The following KRT76 variants were observed in gnomAD, a reference collection of about 807,000 sequenced individuals.
KRT76 encodes the protein keratin 76, also known as keratin, type II cytoskeletal 2 oral.
A neutral mutation model predicts 44.9 loss-of-function variants in KRT76; 47 were observed. The observed-to-expected ratio is 1.05, with a 90% CI of 0.83 to 1.33. The LOEUF (loss-of-function observed/expected upper bound fraction) is 1.33, where lower values mean the gene tolerates loss of function less well. Ranked by LOEUF, KRT76 falls within the 40% of genes most tolerant of loss-of-function variation. The pLI is 0.00. For missense variants in KRT76, 860 were observed against 775.8 expected (o/e 1.11, Z -1.29); for synonymous variants, 331 against 294.1 (o/e 1.13, Z -1.28).
At chr12:52,772,459 G>A (rs1939201621) in intron 4 of KRT76, among the ~76,000 whole-genome samples, 1 of 152,208 alleles carries the variant, frequency 6.6e-6, no homozygotes, top group South Asian at 2.1e-4. Flanking sequence ...AATATAATTA[G>A]GCTATCAGCC....
intron 7 of KRT76, 109 bp from the exon 8 acceptor site, chr12:52,769,692 C>A: frequency 1.2e-6 from 1 of 839,498 alleles, no homozygotes; most frequent in Non-Finnish European, 2.0e-6. Flanking sequence ...CACTAGGGGT[C>A]AAGCTCCTGC....
In KRT76 at chr12:52,771,120, G is replaced by A. The variant is rs201253332; in HGVS notation, c.1363C>T (p.Gln455Ter). ...AKLQDLQTAL[Q>*]KAKDDLARLL... ...CGAGCCAGGTCATCCTTAGCCTTCT[G>A]TAGGGCAGTCTGCAAGTCTTGGAGC... The change falls in exon 7 of 9, where the codon CAG becomes TAG. Residue 455 changes from glutamine to a stop codon, truncating the protein, a stop_gained. Coordinates refer to ENST00000332411, the MANE Select transcript of KRT76 (RefSeq NM_015848.4). LOFTEE classifies it high-confidence loss of function. The A allele has an allele frequency of 7.2e-5, 117 of 1,614,196 alleles. No homozygotes were observed. In the East Asian group the frequency reaches 1.6e-3, roughly 22 times the overall value.
chr12:52,773,610 G>C lies in KRT76; in HGVS notation c.848C>G (p.Ala283Gly). Reference protein sequence around the residue: ...YEDEINKRTAAENEFVGLKKD... With the variant: ...YEDEINKRTAGENEFVGLKKD... ...CTTGAGCCCCACAAACTCATTCTCT[G>C]CGGCAGTGCGTTTGTTGATTTCATC... Residue 283 changes from alanine to glycine, a missense_variant, in exon 3 of 9, where the codon GCA becomes GGA. Physicochemically the swap from Ala to Gly is moderately conservative, Grantham distance 60. Transcript: ENST00000332411. 1 of 1,613,442 alleles carries C rather than the reference G, an allele frequency of 6.2e-7. No homozygotes were observed. The highest frequency in any genetic ancestry group is 1.1e-5 in the South Asian group (1 of 90,994).
In KRT76 at chr12:52,768,601, T is replaced by G. The variant is rs1939126379; in HGVS notation, c.*112A>C. On this transcript the variant is annotated 3_prime_UTR_variant, in exon 9 of 9. Coordinates refer to ENST00000332411, the MANE Select transcript of KRT76 (RefSeq NM_015848.4). ...AGTTCAGCTTCTTCTCCAGGGAACT[T>G]GAGGAAAAATGTGGTTGACCCTTAT... 7.9e-7 allele frequency: 1 copy of G among 1,260,552 alleles called. No individual in the cohort carries two copies. The highest frequency in any genetic ancestry group is 1.1e-6 in the Non-Finnish European group (1 of 912,814). 78.1% of individuals were successfully genotyped at this position (1,260,552 alleles called of 1,614,324 possible). A position where few individuals can be genotyped will look rare whatever the true frequency, so the allele number is the denominator to read the frequency against.
chr12:52,774,383 T>C (rs955869615), intron 2 of KRT76, among the ~76,000 whole-genome samples: 7 of 152,224 alleles, frequency 4.6e-5, no homozygotes, highest in Non-Finnish European at 1.0e-4. Context: ...TGTGCTCTCA[T>C]TGGGCATTTC....
rs768953368 is a variant in KRT76, at chr12:52,775,636, C to T, written c.601-34G>A. 1.6e-5 allele frequency: 26 copies of T among 1,585,866 alleles called. No homozygotes were observed. The African/African-American group carries it at 2.6e-4, about 16-fold the overall frequency. Reference sequence around the variant, plus strand: ...AAGAGGGGAGAAAAGGAGTCAGCCCCTTGAGTTGGGCATGTGGGGCTGCCC... The same window carrying T: ...AAGAGGGGAGAAAAGGAGTCAGCCCTTTGAGTTGGGCATGTGGGGCTGCCC... On this transcript the variant is annotated intron_variant, in intron 1 of 8. Transcript: ENST00000332411.
Position 52,772,272 on chromosome 12 carries a change from G to A in KRT76, c.973-14C>T. ...CTGGGACAGCTCCTGCAGGAAACAT[G>A]GATAGTTACTCTTACCATCGCCTGG... On this transcript the variant is annotated splice_polypyrimidine_tract_variant and intron_variant, in intron 4 of 8. Coordinates refer to ENST00000332411, the MANE Select transcript of KRT76 (RefSeq NM_015848.4). 3.2e-6 allele frequency: 5 copies of A among 1,583,478 alleles called. No homozygotes were observed. Among genetic ancestry groups the A allele is most frequent in the Non-Finnish European group, 4.3e-6 (5 of 1,164,420 alleles).
rs747106936 is a variant in KRT76 at position 52,777,233 on chromosome 12, C to T, written c.59G>A (p.Arg20His). 1.1e-5 allele frequency: 18 copies of T among 1,614,094 alleles called. No homozygotes were observed. The highest frequency in any genetic ancestry group is 6.7e-5 in the African/African-American group (5 of 74,948). ...FSGRSQGFSG[R>H]SAVVSGSSRM... ...GCTGCTGCCGGAGACCACAGCAGAG[C>T]GGCCAGAGAAACCCTGGCTCCTGCC... Residue 20 changes from arginine (R) to histidine (H), a missense_variant, in exon 1 of 9, where the codon CGC becomes CAC. Transcript: ENST00000332411.
At position 52,772,239 on chromosome 12, in the gene KRT76, C is replaced by A; in HGVS notation, c.992G>T (p.Ser331Ile). ...LYEMELSQMQSHASDTSVVLS... is the reference protein window; with the variant it reads ...LYEMELSQMQIHASDTSVVLS... ...AACCACAGACGTGTCACTGGCATGG[C>A]TTTGCATCTGGGACAGCTCCTGCAG... is the stretch of plus-strand genomic sequence containing the variant. Residue 331 changes from serine (S) to isoleucine (I), a missense_variant, in exon 5 of 9, where the codon AGC becomes ATC. Transcript: ENST00000332411. The A allele has an allele frequency of 6.2e-7, 1 of 1,604,234 alleles. No individual in the cohort carries two copies. The highest frequency in any genetic ancestry group is 8.5e-7 in the Non-Finnish European group (1 of 1,175,074).
At chr12:52,772,754 G>A (rs759961283) in intron 4 of KRT76, 29 bp downstream of exon 4, 4 of 1,473,414 alleles carry the variant, frequency 2.7e-6, no homozygotes, top group Admixed American at 3.3e-5. Context: ...AGACAGGAAG[G>A]TTCTGCAGCT....
rs1939189107 is a variant in KRT76, at chr12:52,771,963, C to T, written c.1171G>A (p.Gly391Arg). The change falls in exon 6 of 9, where the codon GGG becomes AGG. Residue 391 changes from glycine to arginine, a missense_variant. By Grantham distance (125) the Gly-to-Arg change is moderately radical (BLOSUM62 -2). Transcript: ENST00000332411. Reference protein sequence around the residue: ...GELQTTAGRHGDDLRNTKSEI... With the variant: ...GELQTTAGRHRDDLRNTKSEI... ...CTCTTGGTGTTCCTCAGGTCATCCC[C>T]ATGCCTGCCAGCTGTGGTCTGCAGC... The T allele has an allele frequency of 1.2e-6, 2 of 1,614,008 alleles. No homozygotes were observed. Among genetic ancestry groups the T allele is most frequent in the Non-Finnish European group, 8.5e-7 (1 of 1,180,026 alleles).
At chr12:52,770,972 G>A in intron 7 of KRT76, 27 bp downstream of exon 7, 2 of 1,613,392 alleles carry the variant, frequency 1.2e-6, no homozygotes, top group Non-Finnish European at 1.7e-6. Context: ...ACCATATCTG[G>A]AGAATGGTGA....
chr12:52,771,356 G>A (rs1939179171), intron 6 of KRT76, 137 bp from the exon 7 acceptor site: 1 of 865,218 alleles, frequency 1.2e-6, no homozygotes, highest in East Asian at 2.6e-5. Context: ...TCAGAGAAAA[G>A]AAGTCAGTTT....
intron 1 of KRT76, 68 bp downstream of exon 1, chr12:52,776,624 T>C: frequency 1.9e-6 from 3 of 1,610,890 alleles, no homozygotes; most frequent in Admixed American, 1.7e-5. Context: ...CAAGTCCCCA[T>C]GGCATCTTTC....
intron 7 of KRT76, among the ~76,000 whole-genome samples, chr12:52,769,873 C>A (rs559533310): frequency 6.6e-6 from 1 of 152,230 alleles, no homozygotes; most frequent in Non-Finnish European, 1.5e-5. Flanking sequence ...CCCCACTTCT[C>A]ATCCCCTGCT....
chr12:52,768,521 A>G lies in KRT76; in HGVS notation c.*192T>C. The G allele has an allele frequency of 1.6e-6, 1 of 608,338 alleles. No individual in the cohort carries two copies. 37.7% of individuals were successfully genotyped at this position (608,338 alleles called of 1,614,324 possible). On this transcript the variant is annotated 3_prime_UTR_variant, in exon 9 of 9. Coordinates refer to ENST00000332411, the MANE Select transcript of KRT76 (RefSeq NM_015848.4). ...GTTTCCAGGGGCATCATCATCCCAG[A>G]CCAGCAGCAGGACCTCCATGGCCCT...
rs1241044910 is a variant in KRT76, at chr12:52,771,874, C to T, written c.1260G>A (p.Lys420=). 2.5e-6 allele frequency: 4 copies of T among 1,613,378 alleles called. No individual in the cohort carries two copies. The African/African-American group carries it at 5.3e-5, about 22-fold the overall frequency. Residue 420 remains lysine, a synonymous_variant, in exon 6 of 9, where the codon AAG becomes AAA. Coordinates refer to ENST00000332411, the MANE Select transcript of KRT76 (RefSeq NM_015848.4). ...TCTCCGTTAAACCCAGCCCCACCTG[C>T]TTCTTGACATTTTCAATCTCAGCCC... ...RLRAEIENVK[K]QNANLQTAIA...
At chr12:52,772,714 T>A (rs1592294163) in intron 4 of KRT76, 69 bp downstream of exon 4, 2 of 1,109,248 alleles carry the variant, frequency 1.8e-6, no homozygotes, top group East Asian at 4.7e-5. Context: ...GCTGTTTGGC[T>A]GTCCCCTAAA....
In KRT76 at chr12:52,776,857, G is replaced by A; in HGVS notation, c.435C>T (p.Gly145=). The change falls in exon 1 of 9, where the codon GGC becomes GGT. Residue 145 remains glycine, a synonymous_variant. Coordinates refer to ENST00000332411, the MANE Select transcript of KRT76 (RefSeq NM_015848.4). ...GGPGSFGGPG[G]FGPGGFPGGI... ...CCCCAGGAAAGCCCCCAGGGCCAAA[G>A]CCACCAGGACCACCAAAGCTGCCAG... The A allele has an allele frequency of 6.2e-7, 1 of 1,613,122 alleles. No homozygotes were observed. The highest frequency in any genetic ancestry group is 1.3e-5 in the African/African-American group (1 of 74,932).
Sources: allele counts gnomAD v4.1 joint callset (sites outside exome capture counted in the v4.1 genomes callset), GRCh38; gene constraint gnomAD v4.1.1; transcripts MANE v1.5; gene names NCBI Gene and HGNC (gene_info 2026-07-23, HGNC 2026-07-21).